The following C10orf90 variants were observed in gnomAD, a reference collection of about 807,000 sequenced individuals.
C10orf90 encodes the protein chromosome 10 open reading frame 90.
Under a neutral mutation model 62.5 loss-of-function variants are expected in C10orf90, and 56 were observed. That is an observed-to-expected ratio of 0.90 (90% CI 0.72 to 1.12). The LOEUF (loss-of-function observed/expected upper bound fraction) is 1.12. C10orf90 is among the 50% of genes most tolerant of loss of function. C10orf90 has a pLI of 0.00. For missense variants in C10orf90, 970 were observed against 880.4 expected, an observed-to-expected ratio of 1.10 and a Z score of -1.29; for synonymous variants, 386 against 340.4, an observed-to-expected ratio of 1.13 and a Z score of -1.47.
At chr10:126,550,299 A>G (rs1382417327) in intron 2 of C10orf90, among the ~76,000 whole-genome samples, 1 of 152,030 alleles carries the variant, frequency 6.6e-6, no homozygotes, top group African/African-American at 2.4e-5. Context: ...GAAAAGGAGG[A>G]TAGAAAAGTG....
At chr10:126,618,003 C>T (rs555045047) in intron 2 of C10orf90, among the ~76,000 whole-genome samples, 1 of 152,296 alleles carries the variant, frequency 6.6e-6, no homozygotes, top group South Asian at 2.1e-4. Context: ...ATGGATGAGG[C>T]CCCTTCTGAC....
chr10:126,513,900 G>A lies in C10orf90; in HGVS notation c.353C>T (p.Ala118Val), dbSNP rs773873141. The A allele has an allele frequency of 3.7e-6, 6 of 1,613,254 alleles. No homozygotes were observed. Among genetic ancestry groups the A allele is most frequent in the East Asian group, 2.2e-5 (1 of 44,798 alleles). ...DSYHSRRDQI[A>V]LKNLQSDVTE... Reference sequence around the variant, plus strand: ...GACATCAGACTGGAGATTTTTAAGGGCAATTTGATCTCTTCTACTGTGGTA... The same window carrying A: ...GACATCAGACTGGAGATTTTTAAGGACAATTTGATCTCTTCTACTGTGGTA... Residue 118 changes from alanine (A) to valine (V), a missense_variant, in exon 3 of 10, where the codon GCC (alanine) becomes GTC (valine). By Grantham distance (64) the Ala-to-Val change is moderately conservative. Coordinates refer to ENST00000488181, the MANE Select transcript of C10orf90 (RefSeq NM_001350921.2).
At chr10:126,435,876 G>A (rs1857887128) in intron 7 of C10orf90, among the ~76,000 whole-genome samples, 1 of 152,048 alleles carries the variant, frequency 6.6e-6, no homozygotes, top group Admixed American at 6.6e-5. Flanking sequence ...TGGAAGACAG[G>A]AAAGTCTCTT....
At position 126,481,287 on chromosome 10, in the gene C10orf90, G is replaced by T. The variant is rs1861149200; in HGVS notation, c.1535-16301C>A. On this transcript the variant is annotated intron_variant, in intron 4 of 9. Transcript: ENST00000488181. ...CACCATTGAAATATCTCACTTGGAA[G>T]TGTCTATCTGTTGTCCATTTGCATC... Among the ~76,000 whole-genome samples the T allele has an allele frequency of 3.3e-5, 5 of 152,364 alleles. No homozygotes were observed. The South Asian group carries it at 1.0e-3, about 32-fold the overall frequency.
intron 2 of C10orf90, among the ~76,000 whole-genome samples, chr10:126,580,519 G>C (rs1042697083): frequency 6.6e-6 from 1 of 152,042 alleles, no homozygotes; most frequent in Non-Finnish European, 1.5e-5. Context: ...CAGGCGCAGT[G>C]GTGGGCGCCT....
intron 2 of C10orf90, among the ~76,000 whole-genome samples, chr10:126,599,342 C>T (rs958084206): frequency 2.6e-5 from 4 of 151,558 alleles, no homozygotes; most frequent in Non-Finnish European, 4.4e-5. Flanking sequence ...CCTGCCACTG[C>T]GCCCGGCTAA....
chr10:126,434,796 A>G (rs1284700322), intron 7 of C10orf90, among the ~76,000 whole-genome samples: 2 of 152,182 alleles, frequency 1.3e-5, no homozygotes, highest in Non-Finnish European at 2.9e-5. Flanking sequence ...CCGTTAGAGT[A>G]ATTCCATCAC....
intron 1 of C10orf90, among the ~76,000 whole-genome samples, chr10:126,669,041 T>G (rs2133882700): frequency 6.6e-6 from 1 of 152,264 alleles, no homozygotes; most frequent in South Asian, 2.1e-4. Context: ...AGTTTTTCTC[T>G]CTCTGGAGGA....
intron 2 of C10orf90, among the ~76,000 whole-genome samples, chr10:126,606,020 A>T (rs1035148865): frequency 1.3e-5 from 2 of 152,218 alleles, no homozygotes; most frequent in Non-Finnish European, 2.9e-5. Flanking sequence ...TCAAATTAGT[A>T]GCCTTGAAAT....
intron 2 of C10orf90, among the ~76,000 whole-genome samples, chr10:126,614,568 G>C (rs925141535): frequency 1.3e-5 from 2 of 152,066 alleles, no homozygotes; most frequent in African/African-American, 4.8e-5. Context: ...TGGGCCACTG[G>C]GGATCTAGTT....
At chr10:126,472,967 G>A (rs1224838590) in intron 4 of C10orf90, among the ~76,000 whole-genome samples, 5 of 152,060 alleles carry the variant, frequency 3.3e-5, no homozygotes, top group African/African-American at 1.2e-4. Flanking sequence ...TTTTTTTGTG[G>A]GTTTCTCCTG....
At chr10:126,540,553 G>A (rs1452184975) in intron 2 of C10orf90, among the ~76,000 whole-genome samples, 2 of 152,052 alleles carry the variant, frequency 1.3e-5, no homozygotes, top group Non-Finnish European at 2.9e-5. Context: ...CAGCTACTCA[G>A]GAGGCTAAGG....
At chr10:126,592,308 A>AGTTT (rs1324967893) in intron 2 of C10orf90, among the ~76,000 whole-genome samples, 5 of 152,218 alleles carry the variant, frequency 3.3e-5, no homozygotes, top group Admixed American at 6.5e-5. Context: ...ATAAGGCTAC[A>AGTTT]GTAACCAAAA....
intron 2 of C10orf90, among the ~76,000 whole-genome samples, chr10:126,586,923 C>T (rs940691788): frequency 1.3e-5 from 2 of 152,168 alleles, no homozygotes. Context: ...TCTCAGAGGC[C>T]AGGAATGCAA....
intron 7 of C10orf90, among the ~76,000 whole-genome samples, chr10:126,437,199 T>C (rs1857978172): frequency 6.6e-6 from 1 of 152,198 alleles, no homozygotes; most frequent in Non-Finnish European, 1.5e-5. Context: ...AGTTGAGTAC[T>C]GATGGAACCA....
intron 8 of C10orf90, among the ~76,000 whole-genome samples, chr10:126,427,348 T>C (rs1320266741): frequency 6.6e-6 from 1 of 152,254 alleles, no homozygotes; most frequent in Admixed American, 6.5e-5. Context: ...CTGATCTTTC[T>C]GATACTGACC....
chr10:126,644,387 G>A (rs528398686), intron 2 of C10orf90, among the ~76,000 whole-genome samples: 4 of 152,322 alleles, frequency 2.6e-5, no homozygotes, highest in African/African-American at 4.8e-5. Flanking sequence ...ACAACCTTGC[G>A]GGAAGACACA....
At chr10:126,581,554 G>A (rs1844753073) in intron 2 of C10orf90, among the ~76,000 whole-genome samples, 2 of 152,082 alleles carry the variant, frequency 1.3e-5, no homozygotes, top group South Asian at 4.1e-4. Flanking sequence ...CTTTCTTAGG[G>A]CACAGACCTT....
chr10:126,637,465 G>T (rs1156449249), intron 2 of C10orf90, among the ~76,000 whole-genome samples: 1 of 152,258 alleles, frequency 6.6e-6, no homozygotes, highest in Non-Finnish European at 1.5e-5. Flanking sequence ...ACAGGCCCCT[G>T]CTCTTGCGGA....
Sources: gnomAD v4.1 joint callset for allele counts (sites outside exome capture counted in the v4.1 genomes callset) on GRCh38, gnomAD v4.1.1 for gene constraint, MANE v1.5 for transcripts, NCBI Gene and HGNC (gene_info 2026-07-23, HGNC 2026-07-21) for gene names.